Variants in SVEP1 observed in about 807,000 individuals in gnomAD.
SVEP1 encodes sushi, von Willebrand factor type A, EGF and pentraxin domain containing 1, also known as sushi, von Willebrand factor type A, EGF and pentraxin domain-containing protein 1.
A neutral mutation model predicts 367.3 loss-of-function variants in SVEP1; 164 were observed. The ratio of observed to expected loss-of-function variants is 0.45; its 90% CI spans 0.39 to 0.51. SVEP1 has a LOEUF of 0.51. Among genes scored for constraint, SVEP1 ranks in the 20% least tolerant of loss-of-function variants. SVEP1 has a pLI of 0.00. For synonymous variants in SVEP1, 1,666 were observed against 1,611.6 expected, an observed-to-expected ratio of 1.03 and a Z score of -0.81; for missense variants, 4,117 against 4,425.3, an observed-to-expected ratio of 0.93 and a Z score of 1.98.
chr9:110,540,811 A>G (rs1830134627), intron 3 of SVEP1, among the ~76,000 whole-genome samples: 1 of 152,196 alleles, frequency 6.6e-6, no homozygotes, highest in East Asian at 1.9e-4. Context: ...ATCTACAATT[A>G]TTACAATATT....
intron 40 of SVEP1, among the ~76,000 whole-genome samples, chr9:110,392,085 A>G (rs992081690): frequency 6.7e-6 from 1 of 149,218 alleles, no homozygotes; most frequent in African/African-American, 2.5e-5. Context: ...GTTTGCAGAG[A>G]GAAGATCCTG....
intron 1 of SVEP1, among the ~76,000 whole-genome samples, chr9:110,562,426 C>CA (rs1206431102): frequency 6.6e-6 from 1 of 151,842 alleles, no homozygotes; most frequent in African/African-American, 2.4e-5. Flanking sequence ...GCACTTAGCC[C>CA]AAAAAATCAA....
At chr9:110,398,629 CACAAACAAATTTATAAGAAAAAA>C (rs1450000460) in intron 40 of SVEP1, among the ~76,000 whole-genome samples, 1 of 152,078 alleles carries the variant, frequency 6.6e-6, no homozygotes, top group African/African-American at 2.4e-5. Flanking sequence ...CTACAATGAA[CACAAACAAATTTATAAGAAAAAA>C]ACAAACAACC....
intron 43 of SVEP1, among the ~76,000 whole-genome samples, chr9:110,383,043 T>C (rs1252583721): frequency 6.6e-6 from 1 of 152,240 alleles, no homozygotes; most frequent in Non-Finnish European, 1.5e-5. Flanking sequence ...ACCCACTTTC[T>C]GAAGCCTACT....
Position 110,514,036 on chromosome 9 carries a change from A to G in SVEP1, c.1035T>C (p.Asp345=), listed in dbSNP as rs769037872. ...GGISSCIPCP[D]ENHTSPPGST... ...TTCCAGGTGGAGAGGTGTGATTTTC[A>G]TCAGGACATGGAATGCAACTGCTGA... The change falls in exon 4 of 48, where the codon GAT becomes GAC. Residue 345 remains aspartate (D), a synonymous_variant. Coordinates refer to ENST00000374469, the MANE Select transcript of SVEP1 (RefSeq NM_153366.4). 2 of 1,612,152 alleles carry G rather than the reference A, an allele frequency of 1.2e-6. No homozygotes were observed. Among genetic ancestry groups the G allele is most frequent in the African/African-American group, 1.3e-5 (1 of 75,028 alleles).
At chr9:110,427,211 T>C (rs967257547) in intron 36 of SVEP1, among the ~76,000 whole-genome samples, 6 of 148,652 alleles carry the variant, frequency 4.0e-5, no homozygotes, top group African/African-American at 1.2e-4. Flanking sequence ...GGCATGAGAA[T>C]TGCTTGCACC....
chr9:110,537,669 T>C (rs1287488362), intron 3 of SVEP1, among the ~76,000 whole-genome samples: 2 of 152,050 alleles, frequency 1.3e-5, no homozygotes, highest in East Asian at 3.9e-4. Flanking sequence ...TGTTAACAAA[T>C]GGATACTCAA....
At chr9:110,494,215 T>A (rs1359066945) in intron 8 of SVEP1, among the ~76,000 whole-genome samples, 1 of 152,210 alleles carries the variant, frequency 6.6e-6, no homozygotes, top group Non-Finnish European at 1.5e-5. Flanking sequence ...GGTAGCCATT[T>A]TTCTGTTTAT....
chr9:110,485,162 T>C (rs1244320989), intron 9 of SVEP1, among the ~76,000 whole-genome samples: 3 of 152,276 alleles, frequency 2.0e-5, no homozygotes, highest in East Asian at 3.9e-4. Flanking sequence ...TTATTCACAA[T>C]AGCAAAGACA....
At chr9:110,405,653 T>C (rs367562379) in intron 38 of SVEP1, among the ~76,000 whole-genome samples, 1 of 152,356 alleles carries the variant, frequency 6.6e-6, no homozygotes, top group East Asian at 1.9e-4. Context: ...ATAATTCATA[T>C]GTATTATGAA....
chr9:110,537,003 A>T (rs1409154975), intron 3 of SVEP1, among the ~76,000 whole-genome samples: 1 of 152,008 alleles, frequency 6.6e-6, no homozygotes, highest in African/African-American at 2.4e-5. Context: ...TGATTGTGTA[A>T]CAACTCCTTT....
At chr9:110,488,688 T>C (rs562592856) in intron 9 of SVEP1, among the ~76,000 whole-genome samples, 2 of 150,968 alleles carry the variant, frequency 1.3e-5, no homozygotes, top group African/African-American at 2.4e-5. Context: ...CAGTGAGACC[T>C]TGTCTCTACA....
chr9:110,511,488 C>CTTT (rs199993986), intron 5 of SVEP1, among the ~76,000 whole-genome samples: 46 of 77,478 alleles, frequency 5.9e-4, no homozygotes, highest in Non-Finnish European at 7.5e-4. Flanking sequence ...GTGTCAGTAC[C>CTTT]TTTTTTTTTT....
intron 46 of SVEP1, among the ~76,000 whole-genome samples, chr9:110,371,885 C>T (rs1361658392): frequency 1.3e-5 from 2 of 152,200 alleles, no homozygotes; most frequent in African/African-American, 2.4e-5. Context: ...GTAAGTCTTG[C>T]TTTCTTCCAC....
At chr9:110,576,386 A>C (rs1415453818) in intron 1 of SVEP1, among the ~76,000 whole-genome samples, 2 of 152,172 alleles carry the variant, frequency 1.3e-5, no homozygotes, top group African/African-American at 4.8e-5. Flanking sequence ...GAGGATGTAC[A>C]ATTGAATCCT....
chr9:110,574,223 CTG>C (rs796763797), intron 1 of SVEP1, among the ~76,000 whole-genome samples: 3 of 152,386 alleles, frequency 2.0e-5, no homozygotes, highest in East Asian at 1.9e-4. Flanking sequence ...TGAGGGGTAA[CTG>C]TGCGCTTGCA....
intron 12 of SVEP1, among the ~76,000 whole-genome samples, chr9:110,480,690 G>A (rs142575027): frequency 5.6e-4 from 85 of 151,996 alleles, no homozygotes; most frequent in African/African-American, 1.9e-3. Flanking sequence ...GAAGTACAGT[G>A]ATGTGATCAA....
At position 110,406,840 on chromosome 9, in the gene SVEP1, G is replaced by C; in HGVS notation, c.8760C>G (p.Gly2920=). The change falls in exon 38 of 48, where the codon GGC becomes GGG. Residue 2920 remains glycine (G), a synonymous_variant. Coordinates refer to ENST00000374469, the MANE Select transcript of SVEP1 (RefSeq NM_153366.4). ...MKEVTFHCHE[G]YILHGAPKLT... is the part of the protein sequence containing the mutation. ...GTTTTGGAGCACCGTGCAAGATGTA[G>C]CCCTCGTGACAGTGGAATGTTACTT... The C allele has an allele frequency of 3.7e-6, 6 of 1,613,960 alleles. No homozygotes were observed. Among genetic ancestry groups the C allele is most frequent in the Non-Finnish European group, 4.2e-6 (5 of 1,179,898 alleles).
At chr9:110,486,568 A>T (rs1829280210) in intron 9 of SVEP1, among the ~76,000 whole-genome samples, 3 of 145,760 alleles carry the variant, frequency 2.1e-5, no homozygotes, top group South Asian at 2.2e-4. Context: ...TGTCTCTCTC[A>T]CTCCCTACAT....
Sources: allele counts gnomAD v4.1 joint callset (sites outside exome capture counted in the v4.1 genomes callset), GRCh38; gene constraint gnomAD v4.1.1; transcripts MANE v1.5; gene names NCBI Gene and HGNC (gene_info 2026-07-23, HGNC 2026-07-21).